The following FARS2 variants were observed in gnomAD, a reference collection of about 807,000 sequenced individuals.
FARS2 encodes phenylalanyl-tRNA synthetase 2, mitochondrial, also known as phenylalanine--tRNA ligase, mitochondrial.
A neutral mutation model predicts 46.4 loss-of-function variants in FARS2; 40 were observed. The observed-to-expected ratio is 0.86, with a 90% CI of 0.67 to 1.12. The LOEUF is 1.12. FARS2 is among the 50% of genes most tolerant of loss of function. The pLI is 0.00. For missense variants in FARS2, 513 were observed against 567.9 expected (o/e 0.90, Z 0.98); for synonymous variants, 234 against 214.9 (o/e 1.09, Z -0.78).
chr6:5,682,434 A>T (rs1458242343), intron 6 of FARS2, among the ~76,000 whole-genome samples: 1 of 152,190 alleles, frequency 6.6e-6, no homozygotes, highest in Non-Finnish European at 1.5e-5. Context: ...AGTTGTAAAG[A>T]AGTATAAAGT....
intron 4 of FARS2, among the ~76,000 whole-genome samples, chr6:5,440,922 T>TC (rs953537013): frequency 2.6e-5 from 4 of 151,762 alleles, no homozygotes; most frequent in East Asian, 3.9e-4. Flanking sequence ...TTTCTTTCTT[T>TC]TTTTTTTTTT....
intron 2 of FARS2, among the ~76,000 whole-genome samples, chr6:5,383,249 A>G (rs1232492562): frequency 4.6e-5 from 7 of 152,242 alleles, no homozygotes; most frequent in East Asian, 3.8e-4. Context: ...CACTTAGTCA[A>G]TGACCAATAA....
chr6:5,412,003 T>A (rs181411757), intron 3 of FARS2, among the ~76,000 whole-genome samples: 1 of 152,352 alleles, frequency 6.6e-6, no homozygotes, highest in African/African-American at 2.4e-5. Flanking sequence ...TGCTAAACAT[T>A]GGCATTTCCC....
chr6:5,576,778 T>C (rs1045902285), intron 5 of FARS2, among the ~76,000 whole-genome samples: 2 of 151,960 alleles, frequency 1.3e-5, no homozygotes, highest in Non-Finnish European at 2.9e-5. Flanking sequence ...CTTTTGAAGA[T>C]AGTAAATACC....
chr6:5,451,030 AG>A (rs1431775492), intron 4 of FARS2, among the ~76,000 whole-genome samples: 1 of 152,114 alleles, frequency 6.6e-6, no homozygotes, highest in Non-Finnish European at 1.5e-5. Context: ...ATACGATTGG[AG>A]GTGCTGTAAA....
intron 3 of FARS2, among the ~76,000 whole-genome samples, chr6:5,412,889 C>G (rs1204824952): frequency 1.3e-5 from 2 of 152,118 alleles, no homozygotes; most frequent in African/African-American, 2.4e-5. Context: ...CTCGCCTCGC[C>G]GTAGCTTAGA....
Position 5,315,233 on chromosome 6 carries a change from AG to A in FARS2, c.-21-53314del, listed in dbSNP as rs1769381434. Among the ~76,000 whole-genome samples the A allele has an allele frequency of 2.0e-5, 3 of 152,338 alleles. No individual in the cohort carries two copies. In the South Asian group the frequency reaches 6.2e-4, roughly 32 times the overall value. On this transcript the variant is annotated intron_variant, in intron 1 of 6. Transcript: ENST00000274680. The stretch of plus-strand genomic sequence containing the variant: ...TGCGAATCTTGGCCAAGGATTAGGA[AG>A]GGTTAAGACCCGTTTGCCCCACATA...
At chr6:5,708,488 A>C (rs1160133074) in intron 6 of FARS2, among the ~76,000 whole-genome samples, 1 of 152,096 alleles carries the variant, frequency 6.6e-6, no homozygotes, top group African/African-American at 2.4e-5. Context: ...CCTGAAGGGA[A>C]TCAGGTGAAA....
intron 4 of FARS2, among the ~76,000 whole-genome samples, chr6:5,479,980 G>A (rs1191766554): frequency 6.6e-6 from 1 of 152,230 alleles, no homozygotes; most frequent in African/African-American, 2.4e-5. Flanking sequence ...TGTCATGTCT[G>A]TGTCTGCACA....
At chr6:5,593,301 C>T (rs567030394) in intron 5 of FARS2, among the ~76,000 whole-genome samples, 2 of 151,690 alleles carry the variant, frequency 1.3e-5, no homozygotes, top group Middle Eastern at 3.4e-3. Flanking sequence ...CTCCCGCCCC[C>T]ACCGGCCTCT....
intron 4 of FARS2, among the ~76,000 whole-genome samples, chr6:5,499,285 G>A (rs1767654448): frequency 6.6e-6 from 1 of 152,186 alleles, no homozygotes; most frequent in Admixed American, 6.5e-5. Flanking sequence ...TCTTTTGGGA[G>A]TAGAAAGAAG....
At chr6:5,530,636 T>C (rs1769762363) in intron 4 of FARS2, among the ~76,000 whole-genome samples, 1 of 147,994 alleles carries the variant, frequency 6.8e-6, no homozygotes, top group South Asian at 2.1e-4. Context: ...TGACTTAAAT[T>C]ATTGTAATAT....
intron 6 of FARS2, among the ~76,000 whole-genome samples, chr6:5,665,879 T>C (rs1039353363): frequency 6.6e-6 from 1 of 152,196 alleles, no homozygotes; most frequent in African/African-American, 2.4e-5. Context: ...GAGAGCTTTC[T>C]GCTTCCTTTT....
At chr6:5,706,663 C>A (rs1253179877) in intron 6 of FARS2, among the ~76,000 whole-genome samples, 1 of 152,188 alleles carries the variant, frequency 6.6e-6, no homozygotes, top group Non-Finnish European at 1.5e-5. Context: ...AGCTGCTACC[C>A]CAAGCAAGCC....
intron 5 of FARS2, among the ~76,000 whole-genome samples, chr6:5,558,318 G>C (rs1358654508): frequency 1.3e-5 from 2 of 152,076 alleles, no homozygotes; most frequent in Non-Finnish European, 2.9e-5. Flanking sequence ...AGAGAAACAA[G>C]TTACTTTGTA....
intron 6 of FARS2, among the ~76,000 whole-genome samples, chr6:5,632,535 C>T (rs533358513): frequency 1.3e-5 from 2 of 151,928 alleles, no homozygotes; most frequent in South Asian, 4.2e-4. Flanking sequence ...ACCCATTTAG[C>T]CCACCCACTC....
At chr6:5,470,253 G>A (rs1394847969) in intron 4 of FARS2, among the ~76,000 whole-genome samples, 1 of 152,162 alleles carries the variant, frequency 6.6e-6, no homozygotes, top group African/African-American at 2.4e-5. Context: ...AAACAATACA[G>A]TATAGCAACT....
At chr6:5,592,903 G>C (rs1236460711) in intron 5 of FARS2, among the ~76,000 whole-genome samples, 1 of 152,210 alleles carries the variant, frequency 6.6e-6, no homozygotes, top group African/African-American at 2.4e-5. Flanking sequence ...GGTGGCATGA[G>C]GGACCAACCA....
intron 3 of FARS2, among the ~76,000 whole-genome samples, chr6:5,414,176 C>T (rs925950991): frequency 1.3e-5 from 2 of 152,144 alleles, no homozygotes; most frequent in East Asian, 1.9e-4. Context: ...GTTGAGGTCA[C>T]GATTGATTTC....
Sources: allele counts gnomAD v4.1 joint callset (sites outside exome capture counted in the v4.1 genomes callset), GRCh38; gene constraint gnomAD v4.1.1; transcripts MANE v1.5; gene names NCBI Gene and HGNC (gene_info 2026-07-23, HGNC 2026-07-21).